Variants in LRRC47 observed in about 807,000 individuals in gnomAD.
LRRC47 encodes leucine rich repeat containing 47.
A neutral mutation model predicts 40.9 loss-of-function variants in LRRC47; 31 were observed. The observed-to-expected ratio is 0.76, with a 90% CI of 0.57 to 1.02. The LOEUF (loss-of-function observed/expected upper bound fraction) is 1.02. LRRC47 is among the 50% of genes least tolerant of loss of function. The probability of loss-of-function intolerance (pLI) is 0.00; values close to 1 mark genes in which losing one functional copy is unlikely to be tolerated. For synonymous variants in LRRC47, 427 were observed against 371.9 expected (o/e 1.15, Z -1.70); for missense variants, 726 against 796.1 (o/e 0.91, Z 1.06).
intron 1 of LRRC47, among the ~76,000 whole-genome samples, chr1:3,787,893 C>A (rs561238826): frequency 6.6e-6 from 1 of 152,242 alleles, no homozygotes; most frequent in Non-Finnish European, 1.5e-5. Context: ...CCGACTTCAA[C>A]GGCGATGGGT....
chr1:3,793,030 C>G (rs1643641585), intron 1 of LRRC47, among the ~76,000 whole-genome samples: 1 of 152,144 alleles, frequency 6.6e-6, no homozygotes, highest in Non-Finnish European at 1.5e-5. Context: ...AATGAAACCA[C>G]CTTTGCAAAA....
intron 1 of LRRC47, among the ~76,000 whole-genome samples, chr1:3,789,079 G>A (rs961782171): frequency 3.3e-5 from 5 of 152,238 alleles, no homozygotes; most frequent in African/African-American, 7.2e-5. Context: ...CACATGGGAC[G>A]AGAGCCAATC....
chr1:3,795,538 C>G (rs1165373660), intron 1 of LRRC47, among the ~76,000 whole-genome samples: 3 of 152,256 alleles, frequency 2.0e-5, no homozygotes, highest in Non-Finnish European at 4.4e-5. Context: ...AAAGACAGGT[C>G]TCTACGCTCG....
chr1:3,783,774 G>C (rs369629712), intron 4 of LRRC47: 14 of 549,170 alleles, frequency 2.5e-5, no homozygotes, highest in Non-Finnish European at 2.6e-5. Context: ...CAATACCTCC[G>C]CTCCTAACAC....
Position 3,782,751 on chromosome 1 carries a change from C to G in LRRC47, c.1323G>C (p.Leu441Phe), listed in dbSNP as rs115630998. Residue 441 changes from leucine (L) to phenylalanine (F), a missense_variant, in exon 5 of 7, where the codon TTG becomes TTC. Transcript: ENST00000378251. ...ACGGGTAATTTTCATTTCCATCCAG[C>G]AAGTGAAGGTATCTGTATGGGAAGA... ...SVSGLHRYLH[L>F]LDGNENYPCL... 1.3e-6 allele frequency: 2 copies of G among 1,597,778 alleles called. No individual in the cohort carries two copies. Among genetic ancestry groups the G allele is most frequent in the East Asian group, 2.2e-5 (1 of 44,818 alleles).
Position 3,796,417 on chromosome 1 carries a change from C to T in LRRC47, c.60G>A (p.Arg20=). The change falls in exon 1 of 7, where the codon CGG becomes CGA. Residue 20 remains arginine, a synonymous_variant. Coordinates refer to ENST00000378251, the MANE Select transcript of LRRC47 (RefSeq NM_020710.3). ...GCCCCGTCAGCAGCAGCTCCCGCCGCCGCTCGCGCTCAGCCAGCTCCAGCT... is the reference window on the plus strand; with the variant it reads ...GCCCCGTCAGCAGCAGCTCCCGCCGTCGCTCGCGCTCAGCCAGCTCCAGCT... The part of the protein sequence containing the change: ...WPELELAERE[R]RRELLLTGPG... 1 of 1,518,258 alleles carries T rather than the reference C, an allele frequency of 6.6e-7. No individual in the cohort carries two copies. The highest frequency in any genetic ancestry group is 1.4e-5 in the African/African-American group (1 of 69,902). 94.0% of individuals were successfully genotyped at this position (1,518,258 alleles called of 1,614,324 possible).
At position 3,782,746 on chromosome 1, in the gene LRRC47, T is replaced by C; in HGVS notation, c.1328A>G (p.Asp443Gly). The C allele has an allele frequency of 6.2e-7, 1 of 1,605,376 alleles. No homozygotes were observed. The highest frequency in any genetic ancestry group is 8.5e-7 in the Non-Finnish European group (1 of 1,171,956). Reference protein sequence around the residue: ...SGLHRYLHLLDGNENYPCLVD... With the variant: ...SGLHRYLHLLGGNENYPCLVD... Reference sequence around the variant, plus strand: ...AAGACACGGGTAATTTTCATTTCCATCCAGCAAGTGAAGGTATCTGTATGG... The same window carrying C: ...AAGACACGGGTAATTTTCATTTCCACCCAGCAAGTGAAGGTATCTGTATGG... Residue 443 changes from aspartate to glycine, a missense_variant, in exon 5 of 7, where the codon GAT (aspartate) becomes GGT (glycine). By Grantham distance (94) the Asp-to-Gly change is moderately conservative. Coordinates refer to ENST00000378251, the MANE Select transcript of LRRC47 (RefSeq NM_020710.3).
intron 1 of LRRC47, among the ~76,000 whole-genome samples, chr1:3,791,934 T>C (rs1300912871): frequency 6.9e-6 from 1 of 144,318 alleles, no homozygotes; most frequent in African/African-American, 2.6e-5. Flanking sequence ...TTGTATTTTT[T>C]ATAGAGACAG....
At chr1:3,793,922 C>A (rs919117858) in intron 1 of LRRC47, among the ~76,000 whole-genome samples, 8 of 152,122 alleles carry the variant, frequency 5.3e-5, no homozygotes, top group Non-Finnish European at 1.2e-4. Flanking sequence ...CTCGGCCGGG[C>A]GCGGTGGCTC....
chr1:3,784,673 T>A (rs1400738892), intron 3 of LRRC47, among the ~76,000 whole-genome samples: 1 of 152,234 alleles, frequency 6.6e-6, no homozygotes. Context: ...TTCATGTCTT[T>A]GCAAGAACAG....
Position 3,787,062 on chromosome 1 carries a change from C to T in LRRC47, c.864G>A (p.Lys288=). The T allele has an allele frequency of 3.7e-6, 6 of 1,613,910 alleles. No individual in the cohort carries two copies. The highest frequency in any genetic ancestry group is 1.1e-5 in the South Asian group (1 of 91,080). ...EESRRKRRER[K]QRREGGDGEE... Reference sequence around the variant, plus strand: ...CCCCATCACCACCTTCCCGCCTCTGCTTCCTCTCCCTCCTCTTCCTCCGGC... The same window carrying T: ...CCCCATCACCACCTTCCCGCCTCTGTTTCCTCTCCCTCCTCTTCCTCCGGC... The change falls in exon 2 of 7, where the codon AAG becomes AAA. Residue 288 remains lysine (K), a synonymous_variant. Transcript: ENST00000378251.
chr1:3,789,257 C>G (rs895751471), intron 1 of LRRC47, among the ~76,000 whole-genome samples: 1 of 152,270 alleles, frequency 6.6e-6, no homozygotes, highest in African/African-American at 2.4e-5. Context: ...GGGCCACCAG[C>G]CCAGGGCACA....
chr1:3,784,290 G>A, intron 3 of LRRC47, 179 bp from the exon 4 acceptor site: 3 of 603,164 alleles, frequency 5.0e-6, no homozygotes, highest in Non-Finnish European at 8.9e-6. Context: ...GGCTGCCACT[G>A]CAGCGTCCCG....
chr1:3,789,433 C>G (rs946188263), intron 1 of LRRC47, among the ~76,000 whole-genome samples: 2 of 152,272 alleles, frequency 1.3e-5, no homozygotes, highest in South Asian at 4.1e-4. Flanking sequence ...ACACGCAGTG[C>G]GGCGTCTCCC....
intron 4 of LRRC47, 62 bp downstream of exon 4, chr1:3,783,934 G>A (rs947068712): frequency 1.4e-6 from 2 of 1,398,964 alleles, no homozygotes; most frequent in African/African-American, 2.8e-5. Flanking sequence ...GACTAACTCA[G>A]CTGAGGCCAG....
chr1:3,792,970 CCT>C (rs1326604529), intron 1 of LRRC47, among the ~76,000 whole-genome samples: 1 of 152,150 alleles, frequency 6.6e-6, no homozygotes, highest in Non-Finnish European at 1.5e-5. Flanking sequence ...TGCCTACAGC[CCT>C]GAGGACCAAG....
At position 3,781,093 on chromosome 1, in the gene LRRC47, G is replaced by A. The variant is rs143604858; in HGVS notation, c.1747C>T (p.Arg583Cys). The A allele has an allele frequency of 2.0e-5, 32 of 1,613,688 alleles. No homozygotes were observed. The highest frequency in any genetic ancestry group is 3.4e-4 in the Middle Eastern group (2 of 5,924). The change falls in exon 7 of 7, where the codon CGC becomes TGC. Residue 583 changes from arginine to cysteine, a missense_variant. Physicochemically the swap from Arg to Cys is radical, Grantham distance 180. Coordinates refer to ENST00000378251, the MANE Select transcript of LRRC47 (RefSeq NM_020710.3). ...ATAPPHVTVV[R>C] ...GCGGACAGGCGGCCCTGGCGTCAGC[G>A]CACGACAGTCACGTGGGGAGGGGCA...
At chr1:3,785,404 T>A (rs1283607839) in intron 2 of LRRC47, 2 of 316,238 alleles carry the variant, frequency 6.3e-6, no homozygotes, top group African/African-American at 4.3e-5. Context: ...CTTTGTGGAA[T>A]CACCATCAGG....
intron 1 of LRRC47, among the ~76,000 whole-genome samples, chr1:3,792,701 C>T (rs1385017528): frequency 2.6e-5 from 4 of 152,170 alleles, no homozygotes; most frequent in African/African-American, 4.8e-5. Context: ...CCTCGTGATT[C>T]GCCCGCCTTG....
Sources: gnomAD v4.1 joint callset for allele counts (sites outside exome capture counted in the v4.1 genomes callset) on GRCh38, gnomAD v4.1.1 for gene constraint, MANE v1.5 for transcripts, NCBI Gene and HGNC (gene_info 2026-07-23, HGNC 2026-07-21) for gene names.